Variants in UTS2 observed in about 807,000 individuals in gnomAD.
The protein encoded by UTS2 is urotensin-2.
Under a neutral mutation model 12.6 loss-of-function variants are expected in UTS2, and 10 were observed. That is an observed-to-expected ratio of 0.80 (90% CI 0.49 to 1.35). The LOEUF (loss-of-function observed/expected upper bound fraction) is 1.35. Among genes scored for constraint, UTS2 ranks in the 40% most tolerant of loss-of-function variants. The pLI is 0.00. For synonymous variants in UTS2, 52 were observed against 50.0 expected, an observed-to-expected ratio of 1.04 and a Z score of -0.17; for missense variants, 142 against 143.2, an observed-to-expected ratio of 0.99 and a Z score of 0.04.
the UTS2 span, among the ~76,000 whole-genome samples, chr1:7,895,595 A>G: frequency 6.6e-6 from 1 of 152,186 alleles, no homozygotes; most frequent in Non-Finnish European, 1.5e-5. Flanking sequence ...TAATTGACAG[A>G]TAACTACCAT....
the UTS2 span, among the ~76,000 whole-genome samples, chr1:7,903,029 CTCCCCTCCT>C: frequency 1.7e-5 from 2 of 118,368 alleles, no homozygotes; most frequent in African/African-American, 3.8e-5. Context: ...CCTTCCCCTC[CTCCCCTCCT>C]TCCCCTCCTT....
the UTS2 span, among the ~76,000 whole-genome samples, chr1:7,905,143 TTTTC>T: frequency 1.4e-5 from 2 of 144,480 alleles, no homozygotes; most frequent in Non-Finnish European, 2.9e-5. Context: ...AACATTTCTT[TTTTC>T]TTTTTTTTTT....
the UTS2 span, among the ~76,000 whole-genome samples, chr1:7,881,884 A>T: frequency 6.6e-6 from 1 of 152,348 alleles, no homozygotes; most frequent in Admixed American, 6.5e-5. Context: ...AAAACATCCT[A>T]TAAAGTTAGT....
the UTS2 span, among the ~76,000 whole-genome samples, chr1:7,906,507 G>GAAAGAAAGA: frequency 1.5e-5 from 2 of 131,268 alleles, no homozygotes; most frequent in African/African-American, 2.8e-5. Context: ...AAGAAAGAAA[G>GAAAGAAAGA]AAAAGAGGGA....
Position 7,847,860 on chromosome 1 carries a change from T to A in UTS2, c.281A>T (p.Asp94Val). Residue 94 changes from aspartate (D) to valine (V), a missense_variant, in exon 4 of 4, where the codon GAT (aspartate) becomes GTT (valine). Transcript: ENST00000361696. ...AAGATGACTCAGTAAAATGTTAGGA[T>A]CTTGTCCAGAGAAATCCTGAAACTA... ...LRKFQDFSGQ[D>V]PNILLSHLLA... 1 of 1,612,896 alleles carries A rather than the reference T, an allele frequency of 6.2e-7. No homozygotes were observed. The highest frequency in any genetic ancestry group is 1.1e-5 in the South Asian group (1 of 90,674).
intron 3 of UTS2, among the ~76,000 whole-genome samples, 182 bp downstream of exon 3, chr1:7,849,458 G>A (rs1012122210): frequency 1.5e-4 from 23 of 151,934 alleles, no homozygotes; most frequent in African/African-American, 4.6e-4. Flanking sequence ...TGGTCCGCCC[G>A]CCTCGGCCTC....
At chr1:7,896,405 G>A in the UTS2 span, among the ~76,000 whole-genome samples, 1 of 152,044 alleles carries the variant, frequency 6.6e-6, no homozygotes, top group Non-Finnish European at 1.5e-5. Context: ...TCATGTAACT[G>A]AGCATTAATC....
In UTS2 at chr1:7,852,947, TAAG is replaced by T. The variant is rs2097415640; in HGVS notation, c.54_56del (p.Leu19del). ...CCCTGGAGTCAAGGAGAGGAAGAGA[TAAG>T]AGAGGATTTAAGAATCCTATGAAAA... On this transcript the variant is annotated inframe_deletion, in exon 1 of 4. Coordinates refer to ENST00000361696, the MANE Select transcript of UTS2 (RefSeq NM_006786.4). 6.2e-7 allele frequency: 1 copy of T among 1,613,078 alleles called. No individual in the cohort carries two copies. Among genetic ancestry groups the T allele is most frequent in the Admixed American group, 1.7e-5 (1 of 59,904 alleles).
At chr1:7,852,028 G>A (rs947514907) in intron 1 of UTS2, among the ~76,000 whole-genome samples, 1 of 152,032 alleles carries the variant, frequency 6.6e-6, no homozygotes, top group African/African-American at 2.4e-5. Context: ...TGATCATCTC[G>A]GTGACTCGGG....
chr1:7,877,126 C>CAAAAAAAAAAAAAAAAAA, the UTS2 span, among the ~76,000 whole-genome samples: 3 of 62,780 alleles, frequency 4.8e-5, no homozygotes, highest in Admixed American at 2.1e-4. Context: ...GAGACTCTAT[C>CAAAAAAAAAAAAAAAAAA]AAAAAAAAAA....
At chr1:7,890,046 G>A in the UTS2 span, among the ~76,000 whole-genome samples, 1 of 148,702 alleles carries the variant, frequency 6.7e-6, no homozygotes, top group Admixed American at 6.8e-5. Context: ...CAGCGTAGAC[G>A]ACAGAGCGAG....
the UTS2 span, among the ~76,000 whole-genome samples, chr1:7,861,036 T>C: frequency 7.6e-6 from 1 of 131,400 alleles, no homozygotes; most frequent in Non-Finnish European, 1.6e-5. Flanking sequence ...AGCAAGGCCT[T>C]ATCTCAAAAA....
chr1:7,863,933 G>T, the UTS2 span, among the ~76,000 whole-genome samples: 1 of 152,228 alleles, frequency 6.6e-6, no homozygotes, highest in Non-Finnish European at 1.5e-5. Flanking sequence ...GCTGACAGCG[G>T]GGCCTCCCTC....
chr1:7,853,632 A>C (rs1226786791), upstream of UTS2: 9 of 557,178 alleles, frequency 1.6e-5, no homozygotes, highest in Non-Finnish European at 2.7e-5. Context: ...AGCCGCAAGC[A>C]CTTCAATCTT....
upstream of UTS2, among the ~76,000 whole-genome samples, chr1:7,857,107 T>TGAAGGAAG (rs1157152578): frequency 0.028 from 3,495 of 125,346 alleles, 129 homozygotes; most frequent in Middle Eastern, 0.043. Context: ...AGAAAAGGAA[T>TGAAGGAAG]GAAGGAAGGA....
chr1:7,883,123 G>C, the UTS2 span, among the ~76,000 whole-genome samples: 1 of 152,112 alleles, frequency 6.6e-6, no homozygotes. Context: ...CCAAAATATA[G>C]AATCAACATG....
the UTS2 span, among the ~76,000 whole-genome samples, chr1:7,859,931 G>A: frequency 2.0e-5 from 3 of 152,084 alleles, no homozygotes; most frequent in Non-Finnish European, 2.9e-5. Context: ...CCCAGGAGGC[G>A]GAGGCTGCAG....
At chr1:7,872,299 CAAAA>C in the UTS2 span, among the ~76,000 whole-genome samples, 15,649 of 64,852 alleles carry the variant, frequency 0.24, 417 homozygotes, top group East Asian at 0.26. Flanking sequence ...GACTCTGTCT[CAAAA>C]AAAAAAAAAA....
At chr1:7,885,494 C>A in the UTS2 span, among the ~76,000 whole-genome samples, 1 of 152,156 alleles carries the variant, frequency 6.6e-6, no homozygotes, top group Non-Finnish European at 1.5e-5. Flanking sequence ...AGGCAGGGAA[C>A]CGCGACTCGG....
Sources: gnomAD v4.1 joint callset for allele counts (sites outside exome capture counted in the v4.1 genomes callset) on GRCh38, gnomAD v4.1.1 for gene constraint, MANE v1.5 for transcripts, NCBI Gene and HGNC (gene_info 2026-07-23, HGNC 2026-07-21) for gene names.